HDAC9: variants seen among roughly 807,000 people sequenced by gnomAD.
HDAC9 encodes MEF-2 interacting transcription repressor (MITR) protein.
HDAC9 carries 41 observed loss-of-function variants against 139.4 expected under a neutral mutation model. The observed-to-expected ratio is 0.29, with a 90% CI of 0.23 to 0.38. The LOEUF is 0.38. HDAC9 is among the 10% of genes least tolerant of loss of function. The probability of loss-of-function intolerance (pLI) is 1.00; values close to 1 mark genes in which losing one functional copy is unlikely to be tolerated. For missense variants in HDAC9, 1,147 were observed against 1,297.0 expected (o/e 0.88, Z 1.78); for synonymous variants, 517 against 476.2 (o/e 1.09, Z -1.12).
chr7:18,854,940 A>G (rs1379062939), intron 21 of HDAC9, among the ~76,000 whole-genome samples: 1 of 152,150 alleles, frequency 6.6e-6, no homozygotes, highest in African/African-American at 2.4e-5. Context: ...TAAATTGGTC[A>G]GGGCTTGGGT....
At chr7:18,187,569 T>C (rs1281326135) in intron 2 of HDAC9, among the ~76,000 whole-genome samples, 2 of 152,208 alleles carry the variant, frequency 1.3e-5, no homozygotes, top group Non-Finnish European at 2.9e-5. Flanking sequence ...ACATCAAATC[T>C]GTTCCAATCT....
At chr7:18,835,873 C>A in intron 20 of HDAC9, 27 bp from the exon 21 acceptor site, 1 of 1,437,628 alleles carries the variant, frequency 7.0e-7, no homozygotes, top group Non-Finnish European at 9.6e-7. Flanking sequence ...CTTCTCTGCC[C>A]ACCGTGGTGT....
intron 2 of HDAC9, among the ~76,000 whole-genome samples, chr7:18,186,494 A>G (rs997043121): frequency 6.6e-6 from 1 of 152,220 alleles, no homozygotes; most frequent in East Asian, 1.9e-4. Flanking sequence ...CCCAAAGCCC[A>G]TAAGACTCTG....
intron 2 of HDAC9, among the ~76,000 whole-genome samples, chr7:18,217,478 AT>A (rs1341271823): frequency 6.6e-6 from 1 of 152,070 alleles, no homozygotes; most frequent in Non-Finnish European, 1.5e-5. Context: ...TGCATTGAAT[AT>A]TTAGCTTTCT....
At chr7:18,582,723 G>GT (rs1433772012) in intron 2 of HDAC9, among the ~76,000 whole-genome samples, 5 of 151,996 alleles carry the variant, frequency 3.3e-5, no homozygotes, top group African/African-American at 7.2e-5. Flanking sequence ...ACATTGAACT[G>GT]TTTTTTTCCC....
chr7:18,777,746 T>C (rs2519746), intron 16 of HDAC9, among the ~76,000 whole-genome samples: 58,280 of 151,732 alleles, frequency 0.38, 13,360 homozygotes, highest in East Asian at 0.65. Context: ...TTCAGAGGAT[T>C]GACCTTAATG....
intron 1 of HDAC9, among the ~76,000 whole-genome samples, chr7:18,324,280 G>C (rs904691202): frequency 3.9e-5 from 6 of 152,136 alleles, no homozygotes; most frequent in Non-Finnish European, 8.8e-5. Flanking sequence ...CAAAATGCTA[G>C]TAGGAACCAT....
intron 12 of HDAC9, among the ~76,000 whole-genome samples, chr7:18,675,043 G>A (rs190860737): frequency 2.2e-4 from 34 of 151,710 alleles, no homozygotes; most frequent in Middle Eastern, 3.4e-3. Context: ...CTATTTCCAC[G>A]TATTCTATAG....
At chr7:18,857,332 T>C (rs1237059700) in intron 21 of HDAC9, among the ~76,000 whole-genome samples, 2 of 146,846 alleles carry the variant, frequency 1.4e-5, no homozygotes, top group South Asian at 2.3e-4. Context: ...AAATATGTTT[T>C]AGTTGTGTGT....
chr7:18,541,155 T>TTTTTTTTTTTTTG, intron 2 of HDAC9, among the ~76,000 whole-genome samples: 1 of 148,514 alleles, frequency 6.7e-6, no homozygotes, highest in African/African-American at 2.5e-5. Context: ...TTTTTTTTTT[T>TTTTTTTTTTTTTG]TTTTTTTTTT....
intron 22 of HDAC9, among the ~76,000 whole-genome samples, chr7:18,882,663 G>A (rs1799820911): frequency 6.6e-6 from 1 of 151,592 alleles, no homozygotes; most frequent in Non-Finnish European, 1.5e-5. Context: ...AAAAAAGTGG[G>A]TGGGGAAGGG....
intron 13 of HDAC9, among the ~76,000 whole-genome samples, chr7:18,730,590 A>C (rs1156732367): frequency 6.6e-6 from 1 of 152,218 alleles, no homozygotes; most frequent in Non-Finnish European, 1.5e-5. Context: ...GTTGAGGTCA[A>C]TAGGAACCCA....
At chr7:18,952,460 A>G (rs1467963649) in intron 23 of HDAC9, among the ~76,000 whole-genome samples, 1 of 151,998 alleles carries the variant, frequency 6.6e-6, no homozygotes, top group African/African-American at 2.4e-5. Context: ...AGAGCTAAAT[A>G]AGCTGTCATC....
upstream of HDAC9, among the ~76,000 whole-genome samples, chr7:18,287,370 C>T (rs1797520502): frequency 6.6e-6 from 1 of 152,130 alleles, no homozygotes; most frequent in South Asian, 2.1e-4. Context: ...AATAGGGGAT[C>T]AAAGTACTTG....
chr7:18,974,432 C>T (rs1434830190), intron 24 of HDAC9, among the ~76,000 whole-genome samples: 1 of 152,196 alleles, frequency 6.6e-6, no homozygotes, highest in Non-Finnish European at 1.5e-5. Flanking sequence ...AGGGCTGTCT[C>T]AACTGGACCA....
chr7:18,184,470 A>T (rs1789749318), intron 2 of HDAC9, among the ~76,000 whole-genome samples: 1 of 152,230 alleles, frequency 6.6e-6, no homozygotes, highest in Admixed American at 6.5e-5. Context: ...AAATTAATTT[A>T]TGTTTCATAC....
chr7:18,632,330 A>G (rs935530560), intron 7 of HDAC9, among the ~76,000 whole-genome samples: 3 of 152,070 alleles, frequency 2.0e-5, no homozygotes, highest in Non-Finnish European at 4.4e-5. Flanking sequence ...GCAGGATTAG[A>G]ATTCTTACAT....
At chr7:18,282,201 T>G (rs1281562845) in intron 2 of HDAC9, among the ~76,000 whole-genome samples, 1 of 152,218 alleles carries the variant, frequency 6.6e-6, no homozygotes, top group African/African-American at 2.4e-5. Context: ...TTACCAGGTT[T>G]TGACTGTCTA....
chr7:18,653,116 T>C (rs973943202), intron 11 of HDAC9, among the ~76,000 whole-genome samples: 1 of 151,434 alleles, frequency 6.6e-6, no homozygotes, highest in African/African-American at 2.4e-5. Context: ...TGCATGCCTG[T>C]AATCCCAGTT....
Sources: allele counts gnomAD v4.1 joint callset (sites outside exome capture counted in the v4.1 genomes callset), GRCh38; gene constraint gnomAD v4.1.1; transcripts MANE v1.5; gene names NCBI Gene and HGNC (gene_info 2026-07-23, HGNC 2026-07-21).